Variants in ASIC1 observed in about 807,000 individuals in gnomAD.
The protein encoded by ASIC1 is acid sensing ion channel subunit 1, also known as acid-sensing ion channel 1.
In ASIC1, 21 loss-of-function variants were observed where a neutral mutation model predicts 63.4. The observed-to-expected ratio is 0.33, with a 90% CI of 0.23 to 0.48. The LOEUF is 0.48. ASIC1 is among the 20% of genes least tolerant of loss of function. The pLI, the probability that ASIC1 is intolerant of heterozygous loss-of-function variation, is 0.99. For synonymous variants in ASIC1, 258 were observed against 278.2 expected (o/e 0.93, Z 0.72); for missense variants, 478 against 695.5 (o/e 0.69, Z 3.52).
intron 3 of ASIC1, among the ~76,000 whole-genome samples, chr12:50,062,300 A>G (rs953976851): frequency 3.9e-5 from 6 of 152,156 alleles, no homozygotes; most frequent in African/African-American, 1.4e-4. Context: ...TCTTGTGATT[A>G]ACATCCTTGC....
intron 1 of ASIC1, among the ~76,000 whole-genome samples, chr12:50,058,128 C>T (rs1236013855): frequency 6.6e-6 from 1 of 151,858 alleles, no homozygotes; most frequent in East Asian, 1.9e-4. Context: ...GGGAACCGCG[C>T]CCCCCCTCCA....
chr12:50,066,020 A>C (rs1253272345), intron 3 of ASIC1, among the ~76,000 whole-genome samples: 1 of 152,202 alleles, frequency 6.6e-6, no homozygotes, highest in East Asian at 1.9e-4. Context: ...TAGAGTGTGA[A>C]GTGGAAGCAT....
chr12:50,059,011 C>A lies in ASIC1; in HGVS notation c.245C>A (p.Ala82Asp). ...GTCACCAAGCTCGACGAGGTGGCTG[C>A]CTCTCAGCTTACCTTCCCTGCTGTC... ...HHVTKLDEVA[A>D]SQLTFPAVTL... The change falls in exon 2 of 12, where the codon GCC (alanine) becomes GAC (aspartate). Residue 82 changes from alanine (A) to aspartate (D), a missense_variant. Ala to Asp is a moderately radical substitution (Grantham distance 126). Transcript: ENST00000447966. This position sits in a 1 kb window ranked among gnomAD's most constrained non-coding sequence, Gnocchi z 4.6. The A allele has an allele frequency of 3.1e-6, 5 of 1,614,198 alleles. No homozygotes were observed. The highest frequency in any genetic ancestry group is 4.2e-6 in the Non-Finnish European group (5 of 1,180,036).
chr12:50,068,378 C>T (rs762845311), intron 3 of ASIC1, among the ~76,000 whole-genome samples: 44 of 152,194 alleles, frequency 2.9e-4, no homozygotes, highest in Admixed American at 6.5e-4. Context: ...CTCCTGGGCA[C>T]ATGACTAGCT....
intron 3 of ASIC1, among the ~76,000 whole-genome samples, chr12:50,067,967 G>C (rs1950562105): frequency 6.6e-6 from 1 of 152,102 alleles, no homozygotes; most frequent in African/African-American, 2.4e-5. Context: ...TATTGCATTG[G>C]TATAAAACAT....
chr12:50,080,790 G>A, intron 9 of ASIC1: 1 of 1,452,126 alleles, frequency 6.9e-7, no homozygotes, highest in South Asian at 1.2e-5. Context: ...AGAAAAGACA[G>A]GCCTGTGGGC....
rs140797670 is a variant in ASIC1, at chr12:50,078,327, G to A, written c.838-94G>A. The A allele has an allele frequency of 1.3e-3, 1,989 of 1,551,162 alleles. 15 individuals are homozygous for A. In the African/African-American group the frequency reaches 0.024, roughly 19 times the overall value. On this transcript the variant is annotated intron_variant, in intron 5 of 11. Transcript: ENST00000447966. This position sits in a 1 kb window ranked among gnomAD's most constrained non-coding sequence, Gnocchi z 6.0. ...GAGGCTGCAGAGGGAGAGGGGAGCAGAACTCCAGAGATCTGCATCTTGTCA... is the reference window on the plus strand; with the variant it reads ...GAGGCTGCAGAGGGAGAGGGGAGCAAAACTCCAGAGATCTGCATCTTGTCA...
chr12:50,068,847 C>A (rs1490165867), intron 3 of ASIC1, among the ~76,000 whole-genome samples: 1 of 152,064 alleles, frequency 6.6e-6, no homozygotes, highest in African/African-American at 2.4e-5. Context: ...ACCCCCTGTT[C>A]CGGCCCATCC....
At position 50,078,646 on chromosome 12, in the gene ASIC1, T is replaced by C; in HGVS notation, c.994+69T>C. 1 of 1,591,036 alleles carries C rather than the reference T, an allele frequency of 6.3e-7. No homozygotes were observed. The highest frequency in any genetic ancestry group is 1.7e-5 in the Admixed American group (1 of 59,186). ...TTTGCTGCCCTTCACTAGCTCCCCA[T>C]CCATATCAATCTCCCAACCCCAGTT... On this transcript the variant is annotated intron_variant, in intron 6 of 11. Coordinates refer to ENST00000447966, the MANE Select transcript of ASIC1 (RefSeq NM_001095.4). This position sits in a 1 kb window ranked among gnomAD's most constrained non-coding sequence, Gnocchi z 6.0.
At chr12:50,077,853 G>T in intron 4 of ASIC1, 147 bp from the exon 5 acceptor site, 1 of 1,172,908 alleles carries the variant, frequency 8.5e-7, no homozygotes, top group Non-Finnish European at 1.2e-6. Flanking sequence ...AAGGAGGCTA[G>T]GGGGTGGGCT....
In ASIC1 at chr12:50,081,611, C is replaced by T. The variant is rs1369822508; in HGVS notation, c.1549C>T (p.His517Tyr). The change falls in exon 12 of 12, where the codon CAT becomes TAT. Residue 517 changes from histidine (H) to tyrosine (Y), a missense_variant. Transcript: ENST00000447966. ...ATACGCTGCCAACATCCTACCTCACCATCCGGCCCGAGGCACGTTCGAGGA... is the reference window on the plus strand; with the variant it reads ...ATACGCTGCCAACATCCTACCTCACTATCCGGCCCGAGGCACGTTCGAGGA... ...MTYAANILPH[H>Y]PARGTFEDFT... The T allele has an allele frequency of 6.2e-7, 1 of 1,614,134 alleles. No individual in the cohort carries two copies.
At chr12:50,058,394 G>T (rs999385305) in intron 1 of ASIC1, among the ~76,000 whole-genome samples, 2 of 152,340 alleles carry the variant, frequency 1.3e-5, no homozygotes, top group East Asian at 1.9e-4. Context: ...CCAGGATGGG[G>T]TGGATATTCT....
chr12:50,061,520 A>G (rs928594105), intron 3 of ASIC1, among the ~76,000 whole-genome samples: 1 of 152,186 alleles, frequency 6.6e-6, no homozygotes, highest in African/African-American at 2.4e-5. Flanking sequence ...CCCAAGAGTA[A>G]CAGGACTGTA....
Position 50,080,517 on chromosome 12 carries a change from G to A in ASIC1, c.1225G>A (p.Asp409Asn), listed in dbSNP as rs536946507. 5.6e-6 allele frequency: 9 copies of A among 1,614,142 alleles called. No homozygotes were observed. Among genetic ancestry groups the A allele is most frequent in the Admixed American group, 1.7e-5 (1 of 60,022 alleles). ...GTGCAGGGAGAACATCCTGGTGCTG[G>A]ACATTTTCTTTGAAGTCCTCAACTA... The part of the protein sequence containing the change: ...QYIGENILVL[D>N]IFFEVLNYET... Residue 409 changes from aspartate (D) to asparagine (N), a missense_variant, in exon 9 of 12, where the codon GAC becomes AAC. Asp to Asn is a conservative substitution (Grantham distance 23). Transcript: ENST00000447966.
At chr12:50,076,992 C>T (rs1278378175) in intron 3 of ASIC1, 1 of 740,496 alleles carries the variant, frequency 1.4e-6, no homozygotes, top group East Asian at 2.8e-5. Context: ...GGCAAAGGAG[C>T]TCAGGCGATG....
chr12:50,065,213 G>A (rs1950535379), intron 3 of ASIC1, among the ~76,000 whole-genome samples: 2 of 151,872 alleles, frequency 1.3e-5, no homozygotes, highest in Non-Finnish European at 2.9e-5. Flanking sequence ...TTGTATGTTT[G>A]GGGTGGCCAA....
Position 50,079,885 on chromosome 12 carries a change from C to T in ASIC1, c.1052-17C>T, listed in dbSNP as rs574384213. The T allele has an allele frequency of 1.4e-5, 23 of 1,590,372 alleles. No homozygotes were observed. In the African/African-American group the frequency reaches 3.0e-4, roughly 20 times the overall value. Reference sequence around the variant, plus strand: ...AGGGCACCACTCAACTGAGACCTCTCACCTGGCTGAGTGCAGACTTCCTGG... The same window carrying T: ...AGGGCACCACTCAACTGAGACCTCTTACCTGGCTGAGTGCAGACTTCCTGG... On this transcript the variant is annotated splice_polypyrimidine_tract_variant and intron_variant, in intron 7 of 11. Coordinates refer to ENST00000447966, the MANE Select transcript of ASIC1 (RefSeq NM_001095.4).
intron 3 of ASIC1, among the ~76,000 whole-genome samples, chr12:50,072,410 T>C (rs1159416082): frequency 2.0e-5 from 3 of 151,884 alleles, no homozygotes; most frequent in African/African-American, 7.3e-5. Context: ...TGGCCCTGAG[T>C]AATCAGAACA....
intron 3 of ASIC1, among the ~76,000 whole-genome samples, chr12:50,063,829 G>A (rs180889401): frequency 1.3e-5 from 2 of 152,204 alleles, no homozygotes; most frequent in Admixed American, 1.3e-4. Context: ...TGCCCAGCAA[G>A]AGCCAGGACT....
Sources: gnomAD v4.1 joint callset for allele counts (sites outside exome capture counted in the v4.1 genomes callset) on GRCh38, gnomAD v4.1.1 for gene constraint, Gnocchi (gnomAD v3.1) non-coding constraint, MANE v1.5 for transcripts, NCBI Gene and HGNC (gene_info 2026-07-23, HGNC 2026-07-21) for gene names.